OXCT1: variants seen among roughly 807,000 people sequenced by gnomAD.
The protein encoded by OXCT1 is succinyl-CoA:3-ketoacid coenzyme A transferase 1, mitochondrial.
A neutral mutation model predicts 69.6 loss-of-function variants in OXCT1; 27 were observed. That is an observed-to-expected ratio of 0.39 (90% CI 0.29 to 0.54). The LOEUF is 0.54. Among genes scored for constraint, OXCT1 ranks in the 20% least tolerant of loss-of-function variants. OXCT1 has a pLI of 0.72. For missense variants in OXCT1, 437 were observed against 650.2 expected (o/e 0.67, Z 3.57); for synonymous variants, 202 against 217.8 (o/e 0.93, Z 0.64).
At position 41,762,386 on chromosome 5, in the gene OXCT1, A is replaced by C. The variant is rs1488187463; in HGVS notation, c.1249-186T>G. Among the ~76,000 whole-genome samples the C allele has an allele frequency of 6.6e-6, 1 of 152,156 alleles. No individual in the cohort carries two copies. The highest frequency in any genetic ancestry group is 1.5e-5 in the Non-Finnish European group (1 of 68,026). On this transcript the variant is annotated intron_variant, in intron 13 of 16. Transcript: ENST00000196371. The surrounding 1 kb of genome is among the most constrained non-coding windows in gnomAD (Gnocchi z 4.0). The stretch of plus-strand genomic sequence containing the variant: ...ATTCTGTGGTTGAAGGATAAAGTTC[A>C]GGATAAACATTACATCACTTTTATT...
intron 3 of OXCT1, among the ~76,000 whole-genome samples, chr5:41,854,415 A>G (rs1428289338): frequency 6.6e-6 from 1 of 152,200 alleles, no homozygotes; most frequent in Non-Finnish European, 1.5e-5. Flanking sequence ...TAGAATTTAA[A>G]GCAAAGTCAA....
chr5:41,849,313 C>T (rs1749071712), intron 5 of OXCT1, among the ~76,000 whole-genome samples: 1 of 152,146 alleles, frequency 6.6e-6, no homozygotes. Context: ...ATTTCTGCAA[C>T]CTGTGTTAAC....
At chr5:41,848,956 C>T (rs934149282) in intron 5 of OXCT1, among the ~76,000 whole-genome samples, 26 of 152,178 alleles carry the variant, frequency 1.7e-4, no homozygotes, top group Non-Finnish European at 2.4e-4. Flanking sequence ...AACTAAAGAG[C>T]TTCTGCACAG....
chr5:41,741,014 G>A (rs892531584), intron 15 of OXCT1, among the ~76,000 whole-genome samples: 8 of 149,658 alleles, frequency 5.3e-5, no homozygotes, highest in African/African-American at 1.7e-4. Flanking sequence ...GCAATGGCCC[G>A]ATCTCTGCTC....
chr5:41,859,864 A>AATATATATATATATATATT (rs1749634917), intron 3 of OXCT1, among the ~76,000 whole-genome samples: 114 of 120,104 alleles, frequency 9.5e-4, no homozygotes, highest in Middle Eastern at 4.9e-3. Flanking sequence ...CTAGTATAGT[A>AATATATATATATATATATT]ATATATATAT....
chr5:41,823,545 T>G (rs971761702), intron 7 of OXCT1, among the ~76,000 whole-genome samples: 1 of 152,228 alleles, frequency 6.6e-6, no homozygotes, highest in Non-Finnish European at 1.5e-5. Flanking sequence ...CGTATTAGCC[T>G]GTCTCTCTCC....
chr5:41,794,619 A>G (rs1579751193), intron 12 of OXCT1, 58 bp downstream of exon 12: 3 of 1,482,338 alleles, frequency 2.0e-6, no homozygotes, highest in East Asian at 2.3e-5. Context: ...ACACACTCAG[A>G]CGATGACTCA....
chr5:41,734,343 T>C (rs1194999940), intron 16 of OXCT1, among the ~76,000 whole-genome samples: 4 of 152,196 alleles, frequency 2.6e-5, no homozygotes, highest in African/African-American at 9.7e-5. Context: ...GAAATATTGT[T>C]TCAAAAGAGG....
At chr5:41,772,118 A>G (rs975302474) in intron 13 of OXCT1, among the ~76,000 whole-genome samples, 8 of 152,330 alleles carry the variant, frequency 5.3e-5, no homozygotes, top group African/African-American at 1.7e-4. Flanking sequence ...GTTCACATGG[A>G]ATATGGAATT....
At chr5:41,734,509 C>A (rs146292069) in intron 16 of OXCT1, among the ~76,000 whole-genome samples, 1 of 152,120 alleles carries the variant, frequency 6.6e-6, no homozygotes, top group East Asian at 1.9e-4. Context: ...AATACTTTCG[C>A]CCATCAAGTA....
At chr5:41,739,900 C>A (rs996833718) in intron 15 of OXCT1, among the ~76,000 whole-genome samples, 29 of 151,056 alleles carry the variant, frequency 1.9e-4, no homozygotes, top group Admixed American at 1.6e-3. Context: ...AACACAAGAC[C>A]CAGGACAAAA....
rs192749317 is a variant in OXCT1, at chr5:41,737,783, C to T, written c.1521+1607G>A. Among the ~76,000 whole-genome samples the T allele has an allele frequency of 5.6e-4, 86 of 152,284 alleles. 1 individual carries two copies. The highest frequency in any genetic ancestry group is 1.9e-3 in the African/African-American group (81 of 41,562). ...TTTAGAGAAATGTGTAGGCCGGGCA[C>T]GGTGGCTCACGCCTGTAATCCCAGC... is the stretch of plus-strand genomic sequence containing the variant. On this transcript the variant is annotated intron_variant, in intron 16 of 16. Coordinates refer to ENST00000196371, the MANE Select transcript of OXCT1 (RefSeq NM_000436.4).
intron 1 of OXCT1, chr5:41,869,984 A>AGTACTGTGT: frequency 1.6e-5 from 7 of 444,160 alleles, no homozygotes; most frequent in South Asian, 6.5e-5. Context: ...ACGAGCGCCA[A>AGTACTGTGT]AGGGCTCGGG....
intron 9 of OXCT1, among the ~76,000 whole-genome samples, chr5:41,803,421 A>T (rs1746514499): frequency 6.6e-6 from 1 of 152,072 alleles, no homozygotes; most frequent in Non-Finnish European, 1.5e-5. Context: ...TCACATTTTA[A>T]CAAAAATGTA....
At chr5:41,822,107 A>C in intron 7 of OXCT1, among the ~76,000 whole-genome samples, 1 of 152,190 alleles carries the variant, frequency 6.6e-6, no homozygotes, top group Non-Finnish European at 1.5e-5. Flanking sequence ...TTAAATAAGA[A>C]ATTGAGAACC....
chr5:41,870,249 G>C lies in OXCT1; in HGVS notation c.78+32C>G. On this transcript the variant is annotated intron_variant, in intron 1 of 16. Coordinates refer to ENST00000196371, the MANE Select transcript of OXCT1 (RefSeq NM_000436.4). This position sits in a 1 kb window ranked among gnomAD's most constrained non-coding sequence, Gnocchi z 4.2. ...TCAGGGTTTGGTCCACGTTCTTCCT[G>C]CCCATGGCCTTCCTCTTCCCCCGCA... The C allele has an allele frequency of 2.6e-6, 4 of 1,562,326 alleles. No homozygotes were observed. Among genetic ancestry groups the C allele is most frequent in the Non-Finnish European group, 2.6e-6 (3 of 1,133,074 alleles).
At position 41,731,468 on chromosome 5, in the gene OXCT1, T is replaced by C. The variant is rs1742618573; in HGVS notation, c.*261A>G. ...GCATACATACCATATTCAGTGAAAATGCATTCAATATAATTACCTATTATA... is the reference window on the plus strand; with the variant it reads ...GCATACATACCATATTCAGTGAAAACGCATTCAATATAATTACCTATTATA... On this transcript the variant is annotated 3_prime_UTR_variant, in exon 17 of 17. Transcript: ENST00000196371. 2.2e-6 allele frequency: 2 copies of C among 910,296 alleles called. No homozygotes were observed. The highest frequency in any genetic ancestry group is 3.4e-5 in the African/African-American group (2 of 59,142). 56.4% of individuals were successfully genotyped at this position (910,296 alleles called of 1,614,324 possible).
chr5:41,766,334 G>A (rs550204897), intron 13 of OXCT1, among the ~76,000 whole-genome samples: 100 of 152,006 alleles, frequency 6.6e-4, no homozygotes, highest in African/African-American at 2.3e-3. Flanking sequence ...CAATTCACAA[G>A]TATTTACTCA....
intron 1 of OXCT1, among the ~76,000 whole-genome samples, chr5:41,868,650 G>A (rs908927002): frequency 1.3e-5 from 2 of 151,538 alleles, no homozygotes; most frequent in African/African-American, 4.8e-5. Context: ...GTGAACCCGG[G>A]AGGCGGAGCT....
Sources: gnomAD v4.1 joint callset for allele counts (sites outside exome capture counted in the v4.1 genomes callset) on GRCh38, gnomAD v4.1.1 for gene constraint, Gnocchi (gnomAD v3.1) non-coding constraint, MANE v1.5 for transcripts, NCBI Gene and HGNC (gene_info 2026-07-23, HGNC 2026-07-21) for gene names.